POLR3G: variants seen among roughly 807,000 people sequenced by gnomAD.
The protein encoded by POLR3G is DNA-directed RNA polymerase III subunit RPC7.
POLR3G carries 28 observed loss-of-function variants against 30.1 expected under a neutral mutation model. The observed-to-expected ratio is 0.93, with a 90% CI of 0.69 to 1.27. POLR3G has a LOEUF of 1.27. Ranked by LOEUF, POLR3G falls within the 50% of genes most tolerant of loss-of-function variation. The pLI is 0.00. For synonymous variants in POLR3G, 79 were observed against 82.5 expected (o/e 0.96, Z 0.23); for missense variants, 254 against 264.6 (o/e 0.96, Z 0.28).
intron 1 of POLR3G, among the ~76,000 whole-genome samples, chr5:90,476,377 A>G (rs1333752512): frequency 6.6e-6 from 1 of 152,228 alleles, no homozygotes; most frequent in Non-Finnish European, 1.5e-5. Flanking sequence ...ATGTCTGTAC[A>G]CAATTACTTG....
intron 6 of POLR3G, chr5:90,502,522 T>A: frequency 2.3e-6 from 1 of 436,842 alleles, no homozygotes; most frequent in Non-Finnish European, 3.0e-6. Flanking sequence ...TTTAAAAATT[T>A]AATTTTTCAA....
chr5:90,501,518 C>T (rs943564229), intron 5 of POLR3G, among the ~76,000 whole-genome samples: 1 of 152,150 alleles, frequency 6.6e-6, no homozygotes, highest in Non-Finnish European at 1.5e-5. Flanking sequence ...AAATGAAGTA[C>T]ACTTACCAGT....
intron 6 of POLR3G, among the ~76,000 whole-genome samples, chr5:90,505,523 C>A (rs2151914024): frequency 6.6e-6 from 1 of 152,292 alleles, no homozygotes; most frequent in South Asian, 2.1e-4. Context: ...CCTGATGGTT[C>A]CACTTGTGGA....
At chr5:90,479,294 A>G (rs1000402294) in intron 1 of POLR3G, among the ~76,000 whole-genome samples, 1 of 152,166 alleles carries the variant, frequency 6.6e-6, no homozygotes, top group Non-Finnish European at 1.5e-5. Context: ...CAACATGGTG[A>G]AACCCCCATC....
chr5:90,487,891 T>C, intron 2 of POLR3G, 109 bp from the exon 3 acceptor site: 1 of 860,698 alleles, frequency 1.2e-6, no homozygotes, highest in Non-Finnish European at 1.6e-6. Context: ...ACTTAGTGCC[T>C]GTAAAACATA....
At chr5:90,473,995 C>A (rs757124465), upstream of POLR3G, 12 of 1,598,954 alleles carry the variant, frequency 7.5e-6, no homozygotes, top group Non-Finnish European at 1.0e-5. Flanking sequence ...GCGTGGTGCA[C>A]TGCCACGCGG....
intron 7 of POLR3G, 43 bp downstream of exon 7, chr5:90,506,717 A>G: frequency 2.6e-6 from 4 of 1,561,394 alleles, no homozygotes; most frequent in Non-Finnish European, 3.5e-6. Flanking sequence ...AATAAGGTTT[A>G]TCTAATAAGG....
intron 7 of POLR3G, among the ~76,000 whole-genome samples, chr5:90,508,697 A>G (rs1752604084): frequency 6.6e-6 from 1 of 152,070 alleles, no homozygotes; most frequent in South Asian, 2.1e-4. Flanking sequence ...CACGCTCACC[A>G]TAGACAAATT....
chr5:90,504,518 T>C (rs1467044846), intron 6 of POLR3G, among the ~76,000 whole-genome samples: 3 of 150,488 alleles, frequency 2.0e-5, no homozygotes, highest in Admixed American at 1.3e-4. Context: ...GCCGAGATCG[T>C]ACCACTGCCC....
intron 1 of POLR3G, among the ~76,000 whole-genome samples, chr5:90,477,500 G>A (rs1010937922): frequency 5.3e-5 from 8 of 152,176 alleles, no homozygotes; most frequent in African/African-American, 1.9e-4. Context: ...ACAGAACATG[G>A]GAGAGAGAAC....
At chr5:90,485,723 T>G (rs1751407153) in intron 2 of POLR3G, 39 bp downstream of exon 2, 4 of 1,424,498 alleles carry the variant, frequency 2.8e-6, no homozygotes, top group Non-Finnish European at 2.9e-6. Flanking sequence ...AGTGTGTTTT[T>G]TCATTTTTCA....
At chr5:90,482,668 C>T (rs1751201288) in intron 1 of POLR3G, among the ~76,000 whole-genome samples, 1 of 152,180 alleles carries the variant, frequency 6.6e-6, no homozygotes, top group Non-Finnish European at 1.5e-5. Flanking sequence ...AGACCCTGCA[C>T]TTGATGGATC....
At chr5:90,474,584 G>A (rs532395982), upstream of POLR3G, 159 of 453,400 alleles carry the variant, frequency 3.5e-4, 2 homozygotes, top group Admixed American at 1.5e-3. Context: ...GCCGCACCAC[G>A]AGAGAGCTTT....
rs187481729 is a variant in POLR3G, at chr5:90,499,575, T to G, written c.355+1869T>G. Among the ~76,000 whole-genome samples, 803 of 152,112 alleles carry G rather than the reference T, an allele frequency of 5.3e-3. 2 individuals are homozygous for G. The highest frequency in any genetic ancestry group is 9.2e-3 in the Admixed American group (141 of 15,276). ...AATGGAGACAGCTAGCATAGATGAG[T>G]CTTCTTAGAATTTTGCTATGAAGAA... On this transcript the variant is annotated intron_variant, in intron 5 of 7. Coordinates refer to ENST00000651687, the MANE Select transcript of POLR3G (RefSeq NM_006467.3).
At chr5:90,492,040 A>C (rs919410260) in intron 3 of POLR3G, among the ~76,000 whole-genome samples, 1 of 152,194 alleles carries the variant, frequency 6.6e-6, no homozygotes, top group African/African-American at 2.4e-5. Flanking sequence ...TTTGCTCATA[A>C]TGTCTAAAAT....
chr5:90,481,557 C>T lies in POLR3G; in HGVS notation c.-43-3968C>T, dbSNP rs367641674. ...CAGATTCTCAGTTTCTGTCTGCAGC[C>T]AACTGATTCAAAATCTGCCTTTTAA... On this transcript the variant is annotated intron_variant, in intron 1 of 7. Transcript: ENST00000651687. Among the ~76,000 whole-genome samples the T allele has an allele frequency of 3.3e-5, 5 of 152,208 alleles. No homozygotes were observed. The East Asian group carries it at 9.6e-4, about 29-fold the overall frequency.
At chr5:90,490,829 G>A in intron 3 of POLR3G, 1 of 164,390 alleles carries the variant, frequency 6.1e-6, no homozygotes. Context: ...GTATATATGT[G>A]CATACATAAA....
At chr5:90,511,471 ATAT>A (rs1190243314) in intron 7 of POLR3G, among the ~76,000 whole-genome samples, 1 of 152,154 alleles carries the variant, frequency 6.6e-6, no homozygotes, top group Non-Finnish European at 1.5e-5. Flanking sequence ...TAAGAAAGTA[ATAT>A]TTGAATTTTT....
Position 90,477,932 on chromosome 5 carries a change from G to T in POLR3G, c.-44+2912G>T, listed in dbSNP as rs926296026. Reference sequence around the variant, plus strand: ...TTGGTGTACACCCTATGTAAATGAAGAGGATGAAGTAAAGTTACAAAGTCA... The same window carrying T: ...TTGGTGTACACCCTATGTAAATGAATAGGATGAAGTAAAGTTACAAAGTCA... On this transcript the variant is annotated intron_variant, in intron 1 of 7. Transcript: ENST00000651687. 2.0e-5 allele frequency among the ~76,000 whole-genome samples: 3 copies of T among 152,196 alleles called. No homozygotes were observed. In the South Asian group the frequency reaches 6.2e-4, roughly 32 times the overall value.
Sources: allele counts gnomAD v4.1 joint callset (sites outside exome capture counted in the v4.1 genomes callset), GRCh38; gene constraint gnomAD v4.1.1; transcripts MANE v1.5; gene names NCBI Gene and HGNC (gene_info 2026-07-23, HGNC 2026-07-21).